ZNF382: variants seen among roughly 807,000 people sequenced by gnomAD.
The protein encoded by ZNF382 is zinc finger protein 382, also known as KRAB/zinc finger suppressor protein 1.
In ZNF382, 20 loss-of-function variants were observed where a neutral mutation model predicts 38.8. The observed-to-expected ratio is 0.51, with a 90% CI of 0.36 to 0.75. The LOEUF (loss-of-function observed/expected upper bound fraction) is 0.75. Among genes scored for constraint, ZNF382 ranks in the 30% least tolerant of loss-of-function variants. ZNF382 has a pLI of 0.00. For missense variants in ZNF382, 546 were observed against 654.1 expected, an observed-to-expected ratio of 0.83 and a Z score of 1.80; for synonymous variants, 202 against 223.1, an observed-to-expected ratio of 0.91 and a Z score of 0.84.
At position 36,628,482 on chromosome 19, in the gene ZNF382, CTCAA is replaced by C. The variant is rs1265152857; in HGVS notation, c.*938_*941del. The C allele has an allele frequency of 6.5e-6, 1 of 153,134 alleles. No individual in the cohort carries two copies. The highest frequency in any genetic ancestry group is 1.5e-5 in the Non-Finnish European group (1 of 68,160). 9.5% of individuals were successfully genotyped at this position (153,134 alleles called of 1,614,324 possible). A position where few individuals can be genotyped will look rare whatever the true frequency, so the allele number is the denominator to read the frequency against. ...CCAGAGAATTCATGCTGCAGGGAAACTCAATCAATGTTATTGTGAAAACTGGGAA... is the reference window on the plus strand; with the variant it reads ...CCAGAGAATTCATGCTGCAGGGAAACTCAATGTTATTGTGAAAACTGGGAA... On this transcript the variant is annotated 3_prime_UTR_variant, in exon 5 of 5. Coordinates refer to ENST00000292928, the MANE Select transcript of ZNF382 (RefSeq NM_032825.5).
intron 4 of ZNF382, among the ~76,000 whole-genome samples, chr19:36,617,395 G>A (rs2037133708): frequency 6.6e-6 from 1 of 152,100 alleles, no homozygotes; most frequent in African/African-American, 2.4e-5. Flanking sequence ...AGCTTCAATG[G>A]GAGTTTGTCC....
chr19:36,614,897 TC>T lies in ZNF382; in HGVS notation c.232+4157del, dbSNP rs1342746511. On this transcript the variant is annotated intron_variant, in intron 4 of 4. Coordinates refer to ENST00000292928, the MANE Select transcript of ZNF382 (RefSeq NM_032825.5). ...CTTTCTTTCTTCCTTTCCTTTCCTTTCCTTTCCTTTCCTTTCCTTCCCTTTC... is the reference window on the plus strand; with the variant it reads ...CTTTCTTTCTTCCTTTCCTTTCCTTTCTTTCCTTTCCTTTCCTTCCCTTTC... 6.5e-5 allele frequency among the ~76,000 whole-genome samples: 5 copies of T among 76,396 alleles called. No individual in the cohort carries two copies. The East Asian group carries it at 1.2e-3, about 19-fold the overall frequency. The allele number at this position is 76,396 out of a possible 152,430, so 50.1% of individuals were successfully genotyped here.
chr19:36,605,919 T>G (rs1420065193), intron 1 of ZNF382, among the ~76,000 whole-genome samples: 1 of 152,198 alleles, frequency 6.6e-6, no homozygotes, highest in Admixed American at 6.5e-5. Flanking sequence ...GGAGTCGTGT[T>G]AGCTGCTGTC....
In ZNF382 at chr19:36,626,695, G is replaced by A. The variant is rs769920424; in HGVS notation, c.798G>A (p.Lys266=). The A allele has an allele frequency of 5.0e-6, 8 of 1,613,894 alleles. No individual in the cohort carries two copies. In the South Asian group the frequency reaches 8.8e-5, roughly 18 times the overall value. Residue 266 remains lysine (K), a synonymous_variant, in exon 5 of 5, where the codon AAG becomes AAA. Transcript: ENST00000292928. ...SVHPSNLMEK[K]PSAYNKYGKF... The stretch of plus-strand genomic sequence containing the variant: ...ATCCAAGTAATCTTATGGAAAAGAA[G>A]CCCTCTGCCTACAACAAATATGGGA...
At chr19:36,621,655 T>G (rs995250184) in intron 4 of ZNF382, among the ~76,000 whole-genome samples, 3 of 152,034 alleles carry the variant, frequency 2.0e-5, no homozygotes, top group African/African-American at 7.2e-5. Flanking sequence ...TAACAACTGT[T>G]GGCATAGCAT....
chr19:36,622,671 G>A (rs2145330984), intron 4 of ZNF382, among the ~76,000 whole-genome samples: 1 of 152,234 alleles, frequency 6.6e-6, no homozygotes. Flanking sequence ...GATGCTTGCT[G>A]CATGACTCAA....
intron 2 of ZNF382, 45 bp downstream of exon 2, chr19:36,607,667 G>C (rs1172477311): frequency 6.7e-7 from 1 of 1,487,634 alleles, no homozygotes; most frequent in Admixed American, 2.3e-5. Context: ...TTTTTTCATG[G>C]TGTATGAACA....
chr19:36,633,697 G>A lies in ZNF382; in HGVS notation c.*6147G>A, dbSNP rs2145345582. 6.6e-6 allele frequency: 1 copy of A among 152,174 alleles called. No homozygotes were observed. The highest frequency in any genetic ancestry group is 6.5e-5 in the Admixed American group (1 of 15,280). The allele number at this position is 152,174 out of a possible 1,614,324, so 9.4% of individuals were successfully genotyped here. ...GAGACAAGCAAATGTTCTTCAGTGT[G>A]TAAATGGATACACTGTGGTACATTC... On this transcript the variant is annotated 3_prime_UTR_variant, in exon 5 of 5. Transcript: ENST00000292928.
At chr19:36,605,866 G>A (rs2037018176) in intron 1 of ZNF382, 1 of 152,668 alleles carries the variant, frequency 6.6e-6, no homozygotes, top group Non-Finnish European at 1.5e-5. Flanking sequence ...GCCTTTGAGT[G>A]TGGAGAATTG....
intron 4 of ZNF382, among the ~76,000 whole-genome samples, chr19:36,615,249 G>T (rs573006443): frequency 6.6e-6 from 1 of 152,130 alleles, no homozygotes; most frequent in South Asian, 2.1e-4. Context: ...CTCCCAAAGT[G>T]CTGGGACTAC....
chr19:36,612,368 G>A (rs888566066), intron 4 of ZNF382, among the ~76,000 whole-genome samples: 4 of 152,140 alleles, frequency 2.6e-5, no homozygotes, highest in African/African-American at 9.7e-5. Context: ...AAGACATTTG[G>A]GATGTTTCTA....
In ZNF382 at chr19:36,627,271, C is replaced by T. The variant is rs2037222412; in HGVS notation, c.1374C>T (p.His458=). 6.2e-7 allele frequency: 1 copy of T among 1,612,368 alleles called. No individual in the cohort carries two copies. The highest frequency in any genetic ancestry group is 1.1e-5 in the South Asian group (1 of 90,970). ...CCCTCACTCTCCACCAGAGAATTCACACGGGGGAAAAACCCTATATTTGTA... is the reference window on the plus strand; with the variant it reads ...CCCTCACTCTCCACCAGAGAATTCATACGGGGGAAAAACCCTATATTTGTA... ...KTTLTLHQRI[H]TGEKPYICNE... is the part of the protein sequence containing the mutation. The change falls in exon 5 of 5, where the codon CAC becomes CAT. Residue 458 remains histidine, a synonymous_variant. Coordinates refer to ENST00000292928, the MANE Select transcript of ZNF382 (RefSeq NM_032825.5).
intron 4 of ZNF382, among the ~76,000 whole-genome samples, chr19:36,619,384 G>C (rs1171602168): frequency 6.6e-6 from 1 of 152,216 alleles, no homozygotes. Flanking sequence ...GCACAGGCCT[G>C]TGTGTCTTGT....
At chr19:36,614,204 G>A (rs998000723) in intron 4 of ZNF382, among the ~76,000 whole-genome samples, 1 of 152,118 alleles carries the variant, frequency 6.6e-6, no homozygotes, top group African/African-American at 2.4e-5. Context: ...GCCGGATATG[G>A]TGGCACATGC....
At chr19:36,606,827 C>T (rs1001879553) in intron 1 of ZNF382, among the ~76,000 whole-genome samples, 1 of 151,954 alleles carries the variant, frequency 6.6e-6, no homozygotes, top group African/African-American at 2.4e-5. Context: ...CCTGTAATCC[C>T]AGCATTTTGG....
Position 36,626,500 on chromosome 19 carries a change from G to C in ZNF382, c.603G>C (p.Gln201His), listed in dbSNP as rs1304356062. The C allele has an allele frequency of 6.2e-7, 1 of 1,605,310 alleles. No homozygotes were observed. The highest frequency in any genetic ancestry group is 1.7e-5 in the Admixed American group (1 of 57,816). ...TCAGTGGTAAACAGGAGCTTATTCA[G>C]CATCAGAAGGTTCAAGCTCCAGAGC... is the stretch of plus-strand genomic sequence containing the variant. ...RVLSGKQELIQHQKVQAPEQP... is the reference protein window; with the variant it reads ...RVLSGKQELIHHQKVQAPEQP... The change falls in exon 5 of 5, where the codon CAG becomes CAC. Residue 201 changes from glutamine to histidine, a missense_variant. Transcript: ENST00000292928.
chr19:36,613,361 G>A (rs2145317619), intron 4 of ZNF382, among the ~76,000 whole-genome samples: 1 of 151,116 alleles, frequency 6.6e-6, no homozygotes, highest in East Asian at 1.9e-4. Flanking sequence ...GGTATAGTGA[G>A]GATAATTCTC....
chr19:36,626,216 A>C lies in ZNF382; in HGVS notation c.319A>C (p.Lys107Gln). 1 of 1,604,028 alleles carries C rather than the reference A, an allele frequency of 6.2e-7. No homozygotes were observed. Among genetic ancestry groups the C allele is most frequent in the Middle Eastern group, 1.7e-4 (1 of 6,000 alleles). ...TAGACCCCTCATATTCATCAACCAC[A>C]AAAAACTAATTAAGGAGAGAAGTAA... ...HSRPLIFINH[K>Q]KLIKERSNIY... Residue 107 changes from lysine to glutamine, a missense_variant, in exon 5 of 5, where the codon AAA becomes CAA. Transcript: ENST00000292928.
chr19:36,622,020 G>A (rs575001682), intron 4 of ZNF382, among the ~76,000 whole-genome samples: 82 of 123,614 alleles, frequency 6.6e-4, no homozygotes, highest in Non-Finnish European at 1.3e-3. Flanking sequence ...CCTTAGGTTC[G>A]ATAATTTTTT....
Sources: gnomAD v4.1 joint callset for allele counts (sites outside exome capture counted in the v4.1 genomes callset) on GRCh38, gnomAD v4.1.1 for gene constraint, MANE v1.5 for transcripts, NCBI Gene and HGNC (gene_info 2026-07-23, HGNC 2026-07-21) for gene names.